Variants in PATE3 observed in about 807,000 individuals in gnomAD.
PATE3 encodes the protein prostate and testis expressed 3, also known as prostate and testis expressed protein 3.
In PATE3, 7 loss-of-function variants were observed where a neutral mutation model predicts 7.4. The ratio of observed to expected loss-of-function variants is 0.95; its 90% CI spans 0.54 to 1.78. The LOEUF (loss-of-function observed/expected upper bound fraction) is 1.78, where lower values mean the gene tolerates loss of function less well. PATE3 is among the 40% of genes most tolerant of loss of function. The pLI is 0.00. For synonymous variants in PATE3, 38 were observed against 40.2 expected, an observed-to-expected ratio of 0.94 and a Z score of 0.21; for missense variants, 117 against 122.5, an observed-to-expected ratio of 0.96 and a Z score of 0.21.
At chr11:125,788,457 C>T (rs1023986277) in intron 1 of PATE3, among the ~76,000 whole-genome samples, 1 of 152,168 alleles carries the variant, frequency 6.6e-6, no homozygotes, top group African/African-American at 2.4e-5. Flanking sequence ...CTACCATTCC[C>T]CATAATCCCA....
chr11:125,790,660 C>G lies in PATE3; in HGVS notation c.*58C>G. ...TGTCCCCAATGTTGCTCATCCTTCACACTCTGCTGGCCCTTGCTTCCCTTC... is the reference window on the plus strand; with the variant it reads ...TGTCCCCAATGTTGCTCATCCTTCAGACTCTGCTGGCCCTTGCTTCCCTTC... On this transcript the variant is annotated 3_prime_UTR_variant, in exon 3 of 3. Transcript: ENST00000445202. 6.6e-7 allele frequency: 1 copy of G among 1,512,040 alleles called. No homozygotes were observed. Among genetic ancestry groups the G allele is most frequent in the South Asian group, 1.3e-5 (1 of 78,620 alleles). The allele number at this position is 1,512,040 out of a possible 1,614,324, so 93.7% of individuals were successfully genotyped here. A position where few individuals can be genotyped will look rare whatever the true frequency, so the allele number is the denominator to read the frequency against.
Position 125,790,712 on chromosome 11 carries a change from C to T in PATE3, c.*110C>T. ...GTGTCTGTCCTGACAATACCCCTGC[C>T]CTCGCATTAACCTAAGAAGACTAAA... On this transcript the variant is annotated 3_prime_UTR_variant, in exon 3 of 3. Transcript: ENST00000445202. The T allele has an allele frequency of 8.6e-7, 1 of 1,156,650 alleles. No homozygotes were observed. The allele number at this position is 1,156,650 out of a possible 1,614,324, so 71.6% of individuals were successfully genotyped here. A position where few individuals can be genotyped will look rare whatever the true frequency, so the allele number is the denominator to read the frequency against.
chr11:125,788,587 G>C (rs1169229186), intron 1 of PATE3, among the ~76,000 whole-genome samples: 1 of 152,152 alleles, frequency 6.6e-6, no homozygotes, highest in African/African-American at 2.4e-5. Context: ...GTGAACAATG[G>C]CTTTTGATAC....
Position 125,790,945 on chromosome 11 carries a change from C to T in PATE3, c.*343C>T, listed in dbSNP as rs1056608475. 1.8e-5 allele frequency: 3 copies of T among 170,784 alleles called. No individual in the cohort carries two copies. Among genetic ancestry groups the T allele is most frequent in the East Asian group, 3.2e-4 (2 of 6,346 alleles). The allele number at this position is 170,784 out of a possible 1,614,324, so 10.6% of individuals were successfully genotyped here. A position where few individuals can be genotyped will look rare whatever the true frequency, so the allele number is the denominator to read the frequency against. On this transcript the variant is annotated 3_prime_UTR_variant, in exon 3 of 3. Coordinates refer to ENST00000445202, the MANE Select transcript of PATE3 (RefSeq NM_001129883.4). ...TAACTAGTTCAGGTACACTAGAAAG[C>T]CTTCAGCTAAAAATTCACAATATTT...
intron 2 of PATE3, 52 bp from the exon 3 acceptor site, chr11:125,790,426 C>T (rs1052685274): frequency 1.5e-5 from 23 of 1,518,580 alleles, no homozygotes; most frequent in East Asian, 7.4e-5. Context: ...TTTGACTCAC[C>T]TTGGAGAGCT....
chr11:125,789,296 A>C, intron 1 of PATE3, 90 bp from the exon 2 acceptor site: 1 of 1,361,616 alleles, frequency 7.3e-7, no homozygotes, highest in Non-Finnish European at 1.0e-6. Context: ...CCCCTCCACT[A>C]TTCATTCCCC....
rs912486029 is a variant in PATE3 at position 125,790,715 on chromosome 11, C to T, written c.*113C>T. ...TCTGTCCTGACAATACCCCTGCCCT[C>T]GCATTAACCTAAGAAGACTAAACTA... On this transcript the variant is annotated 3_prime_UTR_variant, in exon 3 of 3. Coordinates refer to ENST00000445202, the MANE Select transcript of PATE3 (RefSeq NM_001129883.4). 7 of 1,114,666 alleles carry T rather than the reference C, an allele frequency of 6.3e-6. No individual in the cohort carries two copies. Among genetic ancestry groups the T allele is most frequent in the Non-Finnish European group, 7.5e-6 (6 of 797,098 alleles). 69.0% of individuals were successfully genotyped at this position (1,114,666 alleles called of 1,614,324 possible).
In PATE3 at chr11:125,789,426, A is replaced by C. The variant is rs1165317895; in HGVS notation, c.90A>C (p.Thr30=). Residue 30 remains threonine, a synonymous_variant, in exon 2 of 3, where the codon ACA becomes ACC. Coordinates refer to ENST00000445202, the MANE Select transcript of PATE3 (RefSeq NM_001129883.4). ...AGTGCATAACATGCCACCTTCGCAC[A>C]CGGACAGACCGCTGTAGAAGAGGCT... is the stretch of plus-strand genomic sequence containing the variant. ...SLQCITCHLR[T]RTDRCRRGFG... The C allele has an allele frequency of 7.1e-6, 11 of 1,551,554 alleles. No individual in the cohort carries two copies. The highest frequency in any genetic ancestry group is 9.6e-6 in the Non-Finnish European group (11 of 1,146,942).
At chr11:125,790,423 C>T (rs1943600147) in intron 2 of PATE3, 55 bp from the exon 3 acceptor site, 1 of 1,502,678 alleles carries the variant, frequency 6.7e-7, no homozygotes, top group Non-Finnish European at 8.9e-7. Context: ...GGGTTTGACT[C>T]ACCTTGGAGA....
chr11:125,788,213 C>G lies in PATE3; in HGVS notation c.49+13C>G. 1 of 1,548,204 alleles carries G rather than the reference C, an allele frequency of 6.5e-7. No individual in the cohort carries two copies. Among genetic ancestry groups the G allele is most frequent in the Non-Finnish European group, 8.7e-7 (1 of 1,144,002 alleles). Reference sequence around the variant, plus strand: ...TGCCTCATTGTGGGTGAGTCCTGGACCTGAGGGGTATACTTGAGAGACAGG... The same window carrying G: ...TGCCTCATTGTGGGTGAGTCCTGGAGCTGAGGGGTATACTTGAGAGACAGG... On this transcript the variant is annotated intron_variant, in intron 1 of 2. Coordinates refer to ENST00000445202, the MANE Select transcript of PATE3 (RefSeq NM_001129883.4).
In PATE3 at chr11:125,791,255, A is replaced by C. The variant is rs1173401207; in HGVS notation, c.*653A>C. On this transcript the variant is annotated 3_prime_UTR_variant, in exon 3 of 3. Coordinates refer to ENST00000445202, the MANE Select transcript of PATE3 (RefSeq NM_001129883.4). ...AGATGTACATTCAAGGTACATCAGA[A>C]CTCTCATTTCTTCCCCTTCCTTTCC... 6.6e-6 allele frequency: 1 copy of C among 151,976 alleles called. No individual in the cohort carries two copies. The highest frequency in any genetic ancestry group is 1.5e-5 in the Non-Finnish European group (1 of 67,982). The allele number at this position is 151,976 out of a possible 1,614,324, so 9.4% of individuals were successfully genotyped here. A position where few individuals can be genotyped will look rare whatever the true frequency, so the allele number is the denominator to read the frequency against.
Position 125,790,580 on chromosome 11 carries a change from A to G in PATE3, c.275A>G (p.Asn92Ser). The G allele has an allele frequency of 6.4e-7, 1 of 1,551,402 alleles. No individual in the cohort carries two copies. Among genetic ancestry groups the G allele is most frequent in the Non-Finnish European group, 8.7e-7 (1 of 1,146,834 alleles). ...RTYVHTCCNY[N>S]YCNFKL ...TATGTTCATACATGCTGCAACTACA[A>G]TTACTGTAACTTTAAACTCTAAGAT... Residue 92 changes from asparagine (N) to serine (S), a missense_variant, in exon 3 of 3, where the codon AAT becomes AGT. Physicochemically the swap from Asn to Ser is conservative, Grantham distance 46. Coordinates refer to ENST00000445202, the MANE Select transcript of PATE3 (RefSeq NM_001129883.4).
At chr11:125,790,355 G>C in intron 2 of PATE3, 123 bp from the exon 3 acceptor site, 1 of 964,930 alleles carries the variant, frequency 1.0e-6, no homozygotes, top group East Asian at 2.8e-5. Flanking sequence ...GGGAGTATAA[G>C]CTGGGAAGCC....
chr11:125,791,564 G>C lies in PATE3; in HGVS notation c.*962G>C, dbSNP rs1266371638. On this transcript the variant is annotated 3_prime_UTR_variant, in exon 3 of 3. Coordinates refer to ENST00000445202, the MANE Select transcript of PATE3 (RefSeq NM_001129883.4). Reference sequence around the variant, plus strand: ...GGTCAAAGAGATTTGTCTGTCCCTTGCTGCCCATCTTTAAGTAATAAACCG... The same window carrying C: ...GGTCAAAGAGATTTGTCTGTCCCTTCCTGCCCATCTTTAAGTAATAAACCG... The C allele has an allele frequency of 6.6e-6, 1 of 152,184 alleles. No homozygotes were observed. Among genetic ancestry groups the C allele is most frequent in the Non-Finnish European group, 1.5e-5 (1 of 68,058 alleles). 9.4% of individuals were successfully genotyped at this position (152,184 alleles called of 1,614,324 possible).
chr11:125,789,642 C>T (rs1285736156), intron 2 of PATE3, 134 bp downstream of exon 2: 1 of 935,132 alleles, frequency 1.1e-6, no homozygotes, highest in Non-Finnish European at 1.5e-6. Flanking sequence ...GGTCCCTGTG[C>T]ATACAGACAG....
At chr11:125,789,347 C>T (rs1454710183) in intron 1 of PATE3, 39 bp from the exon 2 acceptor site, 7 of 1,529,908 alleles carry the variant, frequency 4.6e-6, no homozygotes, top group Non-Finnish European at 5.3e-6. Flanking sequence ...CAAGTCCCTG[C>T]TTTTGCCTAG....
chr11:125,788,209 T>C lies in PATE3; in HGVS notation c.49+9T>C, dbSNP rs1212475274. The C allele has an allele frequency of 1.3e-6, 2 of 1,549,740 alleles. No homozygotes were observed. The highest frequency in any genetic ancestry group is 1.7e-6 in the Non-Finnish European group (2 of 1,145,406). On this transcript the variant is annotated intron_variant, in intron 1 of 2. Transcript: ENST00000445202. ...TTACTGCCTCATTGTGGGTGAGTCC[T>C]GGACCTGAGGGGTATACTTGAGAGA...
chr11:125,790,626 G>C lies in PATE3; in HGVS notation c.*24G>C. ...AAGATATTTGCCCTCCTGAGGTCTC[G>C]CTTTGGAATGTCCCCAATGTTGCTC... On this transcript the variant is annotated 3_prime_UTR_variant, in exon 3 of 3. Coordinates refer to ENST00000445202, the MANE Select transcript of PATE3 (RefSeq NM_001129883.4). 6.5e-7 allele frequency: 1 copy of C among 1,545,228 alleles called. No individual in the cohort carries two copies. Among genetic ancestry groups the C allele is most frequent in the East Asian group, 2.4e-5 (1 of 40,858 alleles).
intron 2 of PATE3, among the ~76,000 whole-genome samples, chr11:125,790,098 A>G (rs890776288): frequency 2.0e-5 from 3 of 152,224 alleles, no homozygotes; most frequent in Non-Finnish European, 2.9e-5. Context: ...AGTTAATGTC[A>G]TGGAGGTAGA....
Sources: gnomAD v4.1 joint callset for allele counts (sites outside exome capture counted in the v4.1 genomes callset) on GRCh38, gnomAD v4.1.1 for gene constraint, MANE v1.5 for transcripts, NCBI Gene and HGNC (gene_info 2026-07-23, HGNC 2026-07-21) for gene names.